The following CHAF1A variants were observed in gnomAD, a reference collection of about 807,000 sequenced individuals.
CHAF1A encodes the protein CAF-1 subunit A.
In CHAF1A, 5 loss-of-function variants were observed where a neutral mutation model predicts 93.2. The ratio of observed to expected loss-of-function variants is 0.05; its 90% CI spans 0.03 to 0.11. The LOEUF (loss-of-function observed/expected upper bound fraction) is 0.11. Ranked by LOEUF, CHAF1A falls within the 10% of genes least tolerant of loss-of-function variation. The pLI is 1.00. For synonymous variants in CHAF1A, 504 were observed against 510.3 expected (o/e 0.99, Z 0.17); for missense variants, 1,102 against 1,259.9 (o/e 0.87, Z 1.90).
Position 4,429,599 on chromosome 19 carries a change from A to G in CHAF1A, c.1766A>G (p.Gln589Arg), listed in dbSNP as rs987170976. 9 of 1,614,010 alleles carry G rather than the reference A, an allele frequency of 5.6e-6. No individual in the cohort carries two copies. The highest frequency in any genetic ancestry group is 5.0e-5 in the Admixed American group (3 of 59,984). Residue 589 changes from glutamine to arginine, a missense_variant, in exon 9 of 15, where the codon CAG becomes CGG. Around this residue, in one of 6 missense-constraint regions of CHAF1A, gnomAD observed 335 missense variants for 361.9 expected, o/e 0.93. Transcript: ENST00000301280. ...ALIRARDPWA[Q>R]DTKLLDYEVD... ...ATCCGCGCGCGAGACCCCTGGGCCC[A>G]GGACACGGTGAGCTAGCCCCAGAGT...
intron 11 of CHAF1A, among the ~76,000 whole-genome samples, chr19:4,431,574 C>T (rs528020922): frequency 2.0e-5 from 3 of 152,246 alleles, no homozygotes; most frequent in South Asian, 2.1e-4. Flanking sequence ...GAGGCCTGAA[C>T]TGTCAGTCAG....
intron 2 of CHAF1A, 118 bp downstream of exon 2, chr19:4,406,080 C>A: frequency 1.2e-6 from 1 of 818,036 alleles, no homozygotes. Flanking sequence ...CTTCTTCAGA[C>A]CAGGAAGCTG....
downstream of CHAF1A, chr19:4,446,039 CGACACTCACCA>C: frequency 6.2e-7 from 1 of 1,604,862 alleles, no homozygotes; most frequent in South Asian, 1.1e-5. Context: ...TCCTGCGGGC[CGACACTCACCA>C]GCCCGCACTC....
At chr19:4,416,190 C>T (rs1407463891) in intron 3 of CHAF1A, among the ~76,000 whole-genome samples, 1 of 152,050 alleles carries the variant, frequency 6.6e-6, no homozygotes, top group Non-Finnish European at 1.5e-5. Flanking sequence ...AAAAAGAAAT[C>T]ACTTACATAA....
chr19:4,424,249 G>A (rs565689410), intron 7 of CHAF1A, among the ~76,000 whole-genome samples: 159 of 152,184 alleles, frequency 1.0e-3, no homozygotes, highest in African/African-American at 3.4e-3. Context: ...GCCTGGCGTC[G>A]GTCACCTGGC....
Position 4,428,670 on chromosome 19 carries a change from G to T in CHAF1A, c.1384G>T (p.Ala462Ser). Reference sequence around the variant, plus strand: ...GGTCTCTTCTTGATTTCAGACCCTGGCCGGCTCCTGTGGGAAGTTTGCCCC... The same window carrying T: ...GGTCTCTTCTTGATTTCAGACCCTGTCCGGCTCCTGTGGGAAGTTTGCCCC... ...PKTPQAPKTL[A>S]GSCGKFAPFE... is the part of the protein sequence containing the mutation. The change falls in exon 8 of 15, where the codon GCC (alanine) becomes TCC (serine). Residue 462 changes from alanine to serine, a missense_variant. By Grantham distance (99) the Ala-to-Ser change is moderately conservative. Transcript: ENST00000301280. 1 of 1,613,838 alleles carries T rather than the reference G, an allele frequency of 6.2e-7. No homozygotes were observed. Among genetic ancestry groups the T allele is most frequent in the East Asian group, 2.2e-5 (1 of 44,858 alleles).
At position 4,442,282 on chromosome 19, in the gene CHAF1A, C is replaced by G; in HGVS notation, c.2711C>G (p.Thr904Arg). 2 of 1,613,676 alleles carry G rather than the reference C, an allele frequency of 1.2e-6. No homozygotes were observed. Among genetic ancestry groups the G allele is most frequent in the East Asian group, 4.5e-5 (2 of 44,878 alleles). The change falls in exon 14 of 15, where the codon ACG (threonine) becomes AGG (arginine). Residue 904 changes from threonine (T) to arginine (R), a missense_variant. Physicochemically the swap from Thr to Arg is moderately conservative, Grantham distance 71 (BLOSUM62 -1). Around this residue, in one of 6 missense-constraint regions of CHAF1A, gnomAD observed 119 missense variants for 102.2 expected, o/e 1.16. Transcript: ENST00000301280. ...AEDMDGFQADTEEEEEEEGDC... is the reference protein window; with the variant it reads ...AEDMDGFQADREEEEEEEGDC... ...GACATGGACGGCTTCCAGGCAGACA[C>G]GGAGGAGGAGGAAGAGGAGGAGGGC...
At chr19:4,446,928 T>C (rs747172947), downstream of CHAF1A, 5 of 1,612,882 alleles carry the variant, frequency 3.1e-6, no homozygotes, top group East Asian at 6.7e-5. Context: ...CTCCTGGGGG[T>C]GGAGATGGGC....
chr19:4,429,918 G>GTT, intron 10 of CHAF1A, 130 bp downstream of exon 10: 1 of 776,316 alleles, frequency 1.3e-6, no homozygotes, highest in Non-Finnish European at 2.1e-6. Context: ...CTGCTGTGTG[G>GTT]TCTGAAACCT....
intron 13 of CHAF1A, among the ~76,000 whole-genome samples, chr19:4,434,945 T>A (rs1447799232): frequency 2.6e-5 from 4 of 152,112 alleles, no homozygotes; most frequent in African/African-American, 9.7e-5. Context: ...CTGTCTGGTC[T>A]TAAGAAACTC....
chr19:4,430,781 A>C, intron 11 of CHAF1A, 140 bp downstream of exon 11: 93 of 795,982 alleles, frequency 1.2e-4, no homozygotes, highest in Non-Finnish European at 1.7e-4. Flanking sequence ...ACGCAAGCTC[A>C]CTCGTGGGAA....
intron 7 of CHAF1A, among the ~76,000 whole-genome samples, chr19:4,428,399 A>G (rs1422876242): frequency 6.6e-6 from 1 of 151,934 alleles, no homozygotes; most frequent in Non-Finnish European, 1.5e-5. Flanking sequence ...CCAGCTAACC[A>G]TAATGAAGAT....
chr19:4,444,165 C>T (rs747348738), downstream of CHAF1A, among the ~76,000 whole-genome samples: 1 of 152,162 alleles, frequency 6.6e-6, no homozygotes, highest in African/African-American at 2.4e-5. Flanking sequence ...TGACAGCCTC[C>T]ATTCTCAACA....
downstream of CHAF1A, chr19:4,447,367 A>G: frequency 1.6e-6 from 1 of 631,898 alleles, no homozygotes; most frequent in Non-Finnish European, 2.8e-6. Flanking sequence ...TGACCGGTGC[A>G]TAAAAGTCTT....
downstream of CHAF1A, chr19:4,445,288 C>CG: frequency 1.3e-6 from 1 of 759,158 alleles, no homozygotes; most frequent in Non-Finnish European, 2.1e-6. Flanking sequence ...GCCTCTCCCT[C>CG]GGGGGCTTGG....
downstream of CHAF1A, chr19:4,448,475 C>A: frequency 7.2e-7 from 1 of 1,394,224 alleles, no homozygotes; most frequent in East Asian, 2.5e-5. Context: ...CGGCCCTCCG[C>A]TGCCCAGGTA....
intron 7 of CHAF1A, among the ~76,000 whole-genome samples, chr19:4,427,474 G>A (rs1448208168): frequency 3.8e-5 from 5 of 131,374 alleles, no homozygotes; most frequent in Non-Finnish European, 6.3e-5. Flanking sequence ...GTACAGTGGC[G>A]TGATCTGGGC....
rs563086674 is a variant in CHAF1A at position 4,441,394 on chromosome 19, G to A, written c.2674-851G>A. 4.0e-5 allele frequency among the ~76,000 whole-genome samples: 6 copies of A among 151,794 alleles called. No homozygotes were observed. In the East Asian group the frequency reaches 9.7e-4, roughly 25 times the overall value. On this transcript the variant is annotated intron_variant, in intron 13 of 14. Coordinates refer to ENST00000301280, the MANE Select transcript of CHAF1A (RefSeq NM_005483.3). ...GGAGGCTGAGGTGGGTAGATCATAAGGTCAGGAGTTTGAGACCAGCTTGAC... is the reference window on the plus strand; with the variant it reads ...GGAGGCTGAGGTGGGTAGATCATAAAGTCAGGAGTTTGAGACCAGCTTGAC...
intron 5 of CHAF1A, 75 bp from the exon 6 acceptor site, chr19:4,423,260 C>T (rs1382456906): frequency 1.0e-5 from 16 of 1,591,530 alleles, no homozygotes; most frequent in Non-Finnish European, 1.3e-5. Context: ...TTGCCATATA[C>T]TAACAGTTGA....
Sources: gnomAD v4.1 joint callset for allele counts (sites outside exome capture counted in the v4.1 genomes callset) on GRCh38, gnomAD v4.1.1 for gene constraint, gnomAD v4.1.1 regional missense constraint, MANE v1.5 for transcripts, NCBI Gene and HGNC (gene_info 2026-07-23, HGNC 2026-07-21) for gene names.